Variants in GPC6 observed in about 807,000 individuals in gnomAD.
GPC6 encodes the protein glypican 6, also known as glypican-6.
A neutral mutation model predicts 55.2 loss-of-function variants in GPC6; 14 were observed. The ratio of observed to expected loss-of-function variants is 0.25; its 90% CI spans 0.17 to 0.40. GPC6 has a LOEUF of 0.40. GPC6 is among the 10% of genes least tolerant of loss of function. GPC6 has a pLI of 1.00. For synonymous variants in GPC6, 278 were observed against 259.6 expected, an observed-to-expected ratio of 1.07 and a Z score of -0.68; for missense variants, 641 against 708.5, an observed-to-expected ratio of 0.90 and a Z score of 1.08.
At chr13:93,657,752 C>T (rs1228701692) in intron 2 of GPC6, among the ~76,000 whole-genome samples, 1 of 151,608 alleles carries the variant, frequency 6.6e-6, no homozygotes, top group Non-Finnish European at 1.5e-5. Flanking sequence ...AACAAATCAA[C>T]AACAAAAAAC....
At chr13:93,396,447 C>G (rs1875860801) in intron 1 of GPC6, among the ~76,000 whole-genome samples, 1 of 152,028 alleles carries the variant, frequency 6.6e-6, no homozygotes, top group Non-Finnish European at 1.5e-5. Context: ...CCAGTAATCC[C>G]AGCTACTCGG....
At chr13:93,393,674 T>C (rs1429138819) in intron 1 of GPC6, among the ~76,000 whole-genome samples, 2 of 152,148 alleles carry the variant, frequency 1.3e-5, no homozygotes, top group South Asian at 2.1e-4. Context: ...TTGTTTTTGC[T>C]CATCCCCAGA....
intron 4 of GPC6, among the ~76,000 whole-genome samples, chr13:94,063,511 C>G (rs1884409282): frequency 1.3e-5 from 2 of 152,048 alleles, no homozygotes; most frequent in Non-Finnish European, 1.5e-5. Context: ...GGATAAATCA[C>G]TTTGTTAGTG....
chr13:94,091,494 A>C (rs989114093), intron 4 of GPC6, among the ~76,000 whole-genome samples: 1 of 152,182 alleles, frequency 6.6e-6, no homozygotes, highest in African/African-American at 2.4e-5. Context: ...TAACAAAGAT[A>C]ATATGTTGAT....
At chr13:93,642,814 G>A (rs745644854) in intron 2 of GPC6, among the ~76,000 whole-genome samples, 2 of 152,082 alleles carry the variant, frequency 1.3e-5, no homozygotes, top group Non-Finnish European at 2.9e-5. Flanking sequence ...TTGTTTAACA[G>A]TATTCTACGG....
At chr13:93,882,017 G>A (rs933719051) in intron 3 of GPC6, among the ~76,000 whole-genome samples, 6 of 151,818 alleles carry the variant, frequency 4.0e-5, no homozygotes, top group African/African-American at 1.5e-4. Context: ...TCAAAACATG[G>A]TTTTCCCAAG....
At chr13:93,827,588 A>G (rs1199967718) in intron 2 of GPC6, among the ~76,000 whole-genome samples, 1 of 152,204 alleles carries the variant, frequency 6.6e-6, no homozygotes, top group East Asian at 1.9e-4. Context: ...TCAGTAAACC[A>G]TGTAATGATT....
At chr13:93,340,266 C>A (rs1275787201) in intron 1 of GPC6, among the ~76,000 whole-genome samples, 1 of 151,946 alleles carries the variant, frequency 6.6e-6, no homozygotes, top group East Asian at 1.9e-4. Context: ...GATCTCCTGA[C>A]CTCGTGATCT....
intron 2 of GPC6, among the ~76,000 whole-genome samples, chr13:93,584,513 T>C (rs1361088367): frequency 6.6e-6 from 1 of 152,110 alleles, no homozygotes; most frequent in Non-Finnish European, 1.5e-5. Flanking sequence ...GTTTAAACAC[T>C]TCTCAGTGGT....
At chr13:93,755,408 G>T (rs1270968899) in intron 2 of GPC6, among the ~76,000 whole-genome samples, 1 of 152,158 alleles carries the variant, frequency 6.6e-6, no homozygotes, top group Non-Finnish European at 1.5e-5. Flanking sequence ...TTCTACTTCT[G>T]TGCAAAAGAG....
At chr13:94,056,518 A>G (rs1884139181) in intron 4 of GPC6, among the ~76,000 whole-genome samples, 3 of 152,188 alleles carry the variant, frequency 2.0e-5, no homozygotes, top group African/African-American at 7.2e-5. Context: ...TTGGAAAGCA[A>G]TAGTTGGTCC....
At chr13:94,111,875 T>G (rs1886262821) in intron 4 of GPC6, among the ~76,000 whole-genome samples, 1 of 152,014 alleles carries the variant, frequency 6.6e-6, no homozygotes, top group Non-Finnish European at 1.5e-5. Context: ...TTCTGAGAGA[T>G]TTTCACCTTT....
chr13:93,393,123 T>TAGAGAG (rs1213506339), intron 1 of GPC6, among the ~76,000 whole-genome samples: 30 of 94,660 alleles, frequency 3.2e-4, no homozygotes, highest in African/African-American at 8.6e-4. Flanking sequence ...TATATATATA[T>TAGAGAG]ATATAGAGAG....
intron 3 of GPC6, among the ~76,000 whole-genome samples, chr13:93,869,034 C>G (rs1889050708): frequency 6.6e-6 from 1 of 151,770 alleles, no homozygotes; most frequent in Non-Finnish European, 1.5e-5. Context: ...GGTACAAGAC[C>G]TTTAACAATT....
At chr13:94,015,295 G>T (rs926938606) in intron 3 of GPC6, among the ~76,000 whole-genome samples, 83 of 152,228 alleles carry the variant, frequency 5.5e-4, no homozygotes, top group African/African-American at 1.9e-3. Flanking sequence ...TGTTGAGCAT[G>T]TTTTGTTGAG....
chr13:93,657,740 TAAAC>T (rs765165071), intron 2 of GPC6, among the ~76,000 whole-genome samples: 2 of 151,402 alleles, frequency 1.3e-5, no homozygotes, highest in East Asian at 1.9e-4. Flanking sequence ...ATAAGGAACA[TAAAC>T]AAATCAACAA....
intron 1 of GPC6, among the ~76,000 whole-genome samples, chr13:93,381,475 G>A (rs1480381781): frequency 6.6e-6 from 1 of 152,078 alleles, no homozygotes; most frequent in Non-Finnish European, 1.5e-5. Context: ...AATTTCTAGA[G>A]GACCAGGATG....
intron 4 of GPC6, among the ~76,000 whole-genome samples, chr13:94,064,894 A>G (rs1359023736): frequency 6.6e-6 from 1 of 152,144 alleles, no homozygotes; most frequent in African/African-American, 2.4e-5. Flanking sequence ...AAATGCTCTC[A>G]TTCTGCTATG....
At chr13:93,397,993 T>A (rs1875925350) in intron 1 of GPC6, among the ~76,000 whole-genome samples, 1 of 152,186 alleles carries the variant, frequency 6.6e-6, no homozygotes, top group South Asian at 2.1e-4. Flanking sequence ...GGAACCAGTG[T>A]TGATTCTTCC....
Sources: allele counts gnomAD v4.1 joint callset (sites outside exome capture counted in the v4.1 genomes callset), GRCh38; gene constraint gnomAD v4.1.1; transcripts MANE v1.5; gene names NCBI Gene and HGNC (gene_info 2026-07-23, HGNC 2026-07-21).